Variants in MME observed in about 807,000 individuals in gnomAD.
MME encodes the protein membrane metalloendopeptidase.
MME carries 98 observed loss-of-function variants against 113.2 expected under a neutral mutation model. That is an observed-to-expected ratio of 0.87 (90% CI 0.74 to 1.02). The LOEUF is 1.02. Ranked by LOEUF, MME falls within the 50% of genes least tolerant of loss-of-function variation. The probability of loss-of-function intolerance (pLI) is 0.00; values close to 1 mark genes in which losing one functional copy is unlikely to be tolerated. For synonymous variants in MME, 292 were observed against 300.6 expected (o/e 0.97, Z 0.30); for missense variants, 836 against 896.0 (o/e 0.93, Z 0.86).
intron 3 of MME, among the ~76,000 whole-genome samples, chr3:155,104,358 T>C (rs191622931): frequency 1.1e-3 from 160 of 152,312 alleles, no homozygotes; most frequent in Admixed American, 9.0e-3. Flanking sequence ...TATAAACATA[T>C]GGAGCCAAAT....
chr3:155,132,740 TC>T (rs1256904171), intron 8 of MME, among the ~76,000 whole-genome samples: 6 of 151,972 alleles, frequency 3.9e-5, no homozygotes, highest in African/African-American at 1.5e-4. Context: ...TCCTGGCCAA[TC>T]TACTTTTTAA....
chr3:155,083,320 T>C (rs1028113466), intron 1 of MME, among the ~76,000 whole-genome samples: 9 of 152,190 alleles, frequency 5.9e-5, no homozygotes, highest in African/African-American at 2.2e-4. Flanking sequence ...CACTTTTTGG[T>C]TTAAAGTTTT....
chr3:155,072,166 T>C (rs373323981), intron 1 of MME, among the ~76,000 whole-genome samples: 1 of 18,354 alleles, frequency 5.4e-5, no homozygotes, highest in Non-Finnish European at 1.4e-4. Context: ...AGACTCCGTC[T>C]CAAAAAAAAA....
intron 1 of MME, among the ~76,000 whole-genome samples, chr3:155,065,156 G>A (rs959612421): frequency 6.6e-6 from 1 of 152,164 alleles, no homozygotes; most frequent in Non-Finnish European, 1.5e-5. Flanking sequence ...ACCCAGTAAA[G>A]TATCCTTTGG....
chr3:155,035,263 A>T (rs1190115385), intron 1 of MME, among the ~76,000 whole-genome samples: 1 of 148,772 alleles, frequency 6.7e-6, no homozygotes, highest in African/African-American at 2.4e-5. Context: ...TATAATATAA[A>T]TATAAAATAT....
At chr3:155,115,929 A>G (rs1718561621) in intron 4 of MME, among the ~76,000 whole-genome samples, 1 of 152,154 alleles carries the variant, frequency 6.6e-6, no homozygotes, top group African/African-American at 2.4e-5. Flanking sequence ...AGTCCCTCCT[A>G]TCCTTTGTTC....
chr3:155,144,545 C>G (rs1180040149), intron 14 of MME, 88 bp downstream of exon 14: 1 of 822,904 alleles, frequency 1.2e-6, no homozygotes, highest in East Asian at 2.6e-5. Context: ...AAAATATAAT[C>G]AAAGATTGCA....
chr3:155,074,385 G>A (rs1714676429), intron 1 of MME, among the ~76,000 whole-genome samples: 1 of 151,926 alleles, frequency 6.6e-6, no homozygotes, highest in Non-Finnish European at 1.5e-5. Context: ...CTTCCGTTAT[G>A]ATTTGCTCTT....
At chr3:155,053,561 T>C (rs1322354805) in intron 1 of MME, among the ~76,000 whole-genome samples, 2 of 151,986 alleles carry the variant, frequency 1.3e-5, no homozygotes, top group Admixed American at 1.3e-4. Context: ...TCCCATAGAG[T>C]CCCTCCCATG....
chr3:155,128,841 A>G (rs1239620462), intron 8 of MME, among the ~76,000 whole-genome samples: 1 of 152,188 alleles, frequency 6.6e-6, no homozygotes, highest in Non-Finnish European at 1.5e-5. Context: ...AGGAAACAAA[A>G]GAAAGAAGAA....
chr3:155,141,115 C>T (rs16824591), intron 10 of MME, among the ~76,000 whole-genome samples: 2,721 of 152,250 alleles, frequency 0.018, 74 homozygotes, highest in African/African-American at 0.061. Flanking sequence ...CATGGGAAAA[C>T]CTACAAACTA....
At chr3:155,064,232 T>C (rs1242821072) in intron 1 of MME, among the ~76,000 whole-genome samples, 6 of 152,124 alleles carry the variant, frequency 3.9e-5, no homozygotes, top group South Asian at 2.1e-4. Flanking sequence ...GAGGTTGCAG[T>C]GAGCCGAGAT....
chr3:155,129,326 G>C (rs768587092), intron 8 of MME, among the ~76,000 whole-genome samples: 6 of 152,124 alleles, frequency 3.9e-5, no homozygotes, highest in Non-Finnish European at 8.8e-5. Context: ...AACTCAGCCT[G>C]TTTCCCCAGG....
intron 1 of MME, among the ~76,000 whole-genome samples, chr3:155,038,430 T>G (rs890696566): frequency 6.6e-6 from 1 of 152,202 alleles, no homozygotes; most frequent in Non-Finnish European, 1.5e-5. Flanking sequence ...GGATCCACAC[T>G]GTGTTTATCA....
intron 8 of MME, among the ~76,000 whole-genome samples, chr3:155,128,028 ATG>A (rs1719830213): frequency 6.6e-6 from 1 of 152,160 alleles, no homozygotes; most frequent in Admixed American, 6.5e-5. Flanking sequence ...TTCCATAACT[ATG>A]TACTTTTGGT....
chr3:155,113,217 A>G (rs986699077), intron 3 of MME, among the ~76,000 whole-genome samples: 3 of 152,186 alleles, frequency 2.0e-5, no homozygotes, highest in African/African-American at 7.2e-5. Context: ...TAAACCACCA[A>G]AAGAGGAAAA....
At chr3:155,169,103 A>G (rs61760401) in intron 20 of MME, among the ~76,000 whole-genome samples, 3,511 of 152,274 alleles carry the variant, frequency 0.023, 57 homozygotes, top group Middle Eastern at 0.037. Context: ...CTAAGAAATA[A>G]TCTCTGGAAT....
At chr3:155,043,478 A>C (rs1415669496) in intron 1 of MME, among the ~76,000 whole-genome samples, 1 of 151,828 alleles carries the variant, frequency 6.6e-6, no homozygotes, top group Non-Finnish European at 1.5e-5. Context: ...GATTACAGGC[A>C]TGCACCACCA....
chr3:155,048,523 A>C (rs968295617), intron 1 of MME, among the ~76,000 whole-genome samples: 61 of 152,172 alleles, frequency 4.0e-4, no homozygotes, highest in African/African-American at 1.4e-3. Flanking sequence ...AAATGACAAC[A>C]AATCTTGAAT....
Sources: gnomAD v4.1 joint callset for allele counts (sites outside exome capture counted in the v4.1 genomes callset) on GRCh38, gnomAD v4.1.1 for gene constraint, MANE v1.5 for transcripts, NCBI Gene and HGNC (gene_info 2026-07-23, HGNC 2026-07-21) for gene names.